Variants in FRMPD4 observed in about 807,000 individuals in gnomAD.
FRMPD4 encodes the protein FERM and PDZ domain-containing protein 4.
In FRMPD4, 22 loss-of-function variants were observed where a neutral mutation model predicts 94.1. The observed-to-expected ratio is 0.23, with a 90% CI of 0.17 to 0.33. FRMPD4 has a LOEUF of 0.33. Among genes scored for constraint, FRMPD4 ranks in the 10% least tolerant of loss-of-function variants. The probability of loss-of-function intolerance (pLI) is 1.00; values close to 1 mark genes in which losing one functional copy is unlikely to be tolerated. For missense variants in FRMPD4, 1,111 were observed against 1,339.9 expected (o/e 0.83, Z 2.67); for synonymous variants, 631 against 548.6 (o/e 1.15, Z -2.10).
intron 1 of FRMPD4, among the ~76,000 whole-genome samples, chrX:12,168,407 C>T (rs946083966): frequency 1.8e-5 from 2 of 108,370 alleles, no homozygotes; most frequent in Non-Finnish European, 3.8e-5. Flanking sequence ...GCAGTGTGAT[C>T]GGAATGCCAT....
At chrX:12,506,638 G>T (rs1257879337) in intron 2 of FRMPD4, among the ~76,000 whole-genome samples, 5 of 112,274 alleles carry the variant, frequency 4.5e-5, no homozygotes, top group African/African-American at 1.6e-4. Flanking sequence ...ATTATTAGCA[G>T]GAATTTTACT....
intron 1 of FRMPD4, among the ~76,000 whole-genome samples, chrX:11,845,005 G>A (rs2053565395): frequency 8.9e-6 from 1 of 111,869 alleles, no homozygotes; most frequent in South Asian, 3.7e-4. Flanking sequence ...TGAAATTTCT[G>A]TTTAATTTCT....
intron 2 of FRMPD4, among the ~76,000 whole-genome samples, chrX:12,574,520 C>T (rs1417840678): frequency 1.8e-5 from 2 of 109,359 alleles, no homozygotes; most frequent in African/African-American, 6.7e-5. Context: ...TTTTTTGAAA[C>T]AAAGTCTCAC....
At chrX:11,981,481 G>A (rs2054396700) in intron 3 of FRMPD4, among the ~76,000 whole-genome samples, 1 of 110,893 alleles carries the variant, frequency 9.0e-6, no homozygotes, top group South Asian at 3.8e-4. Context: ...TACCAAGATT[G>A]CCTGTTTTTT....
chrX:12,120,311 C>G (rs1179392559), intron 3 of FRMPD4, among the ~76,000 whole-genome samples: 1 of 112,077 alleles, frequency 8.9e-6, no homozygotes, highest in Non-Finnish European at 1.9e-5. Flanking sequence ...TTCTTCTCTC[C>G]CAAAAGATTT....
chrX:12,475,045 T>C (rs1263288169), intron 1 of FRMPD4, among the ~76,000 whole-genome samples: 1 of 111,831 alleles, frequency 8.9e-6, no homozygotes, highest in South Asian at 3.7e-4. Context: ...CTGATGAACA[T>C]TGATGCAAAA....
chrX:11,841,119 G>A (rs1393886180), intron 1 of FRMPD4, among the ~76,000 whole-genome samples: 1 of 109,560 alleles, frequency 9.1e-6, no homozygotes, highest in Non-Finnish European at 1.9e-5. Context: ...GTGTATATGT[G>A]CCACATTTTC....
Position 12,374,262 on chromosome X carries a change from ATAT to A in FRMPD4, c.42-124414_42-124412del, listed in dbSNP as rs201289663. 4.8e-3 allele frequency among the ~76,000 whole-genome samples: 544 copies of A among 112,457 alleles called. 3 individuals are homozygous for A. The highest frequency in any genetic ancestry group is 0.017 in the African/African-American group (518 of 30,936). On this transcript the variant is annotated intron_variant, in intron 1 of 16. Transcript: ENST00000675598. ...GGAGTCAGGCTACCCATTCAAAAAGATATTATGTTACAGAATTTTAGACTCTAA... is the reference window on the plus strand; with the variant it reads ...GGAGTCAGGCTACCCATTCAAAAAGATATGTTACAGAATTTTAGACTCTAA...
At chrX:12,004,059 G>C (rs763645464) in intron 3 of FRMPD4, among the ~76,000 whole-genome samples, 1 of 111,500 alleles carries the variant, frequency 9.0e-6, no homozygotes, top group East Asian at 2.8e-4. Context: ...CTGTATCATA[G>C]AATGACATGG....
intron 3 of FRMPD4, among the ~76,000 whole-genome samples, chrX:11,985,647 G>T (rs1349851514): frequency 8.9e-6 from 1 of 112,220 alleles, no homozygotes; most frequent in Non-Finnish European, 1.9e-5. Flanking sequence ...TCCTGCTCTG[G>T]TCTAAAGGAT....
In FRMPD4 at chrX:11,843,772, A is replaced by ACTC. The variant is rs2053555567; in HGVS notation, c.-161+21057_-161+21058insCTC. On this transcript the variant is annotated intron_variant, in intron 1 of 18. Coordinates refer to the FRMPD4 transcript ENST00000640291. The stretch of plus-strand genomic sequence containing the variant: ...TGCTGTGTTCACCAGGCTGATGTTG[A>ACTC]ACTGCTGGACTCAGGTAATTCTTCT... Among the ~76,000 whole-genome samples the ACTC allele has an allele frequency of 2.7e-5, 3 of 109,594 alleles. No homozygotes were observed. The East Asian group carries it at 8.7e-4, about 32-fold the overall frequency.
intron 1 of FRMPD4, among the ~76,000 whole-genome samples, chrX:12,219,183 A>G (rs1385032718): frequency 8.9e-6 from 1 of 111,868 alleles, no homozygotes; most frequent in East Asian, 2.8e-4. Context: ...AGCCTGAGCA[A>G]CACGACGAAA....
chrX:12,462,448 G>T (rs2057400727), intron 1 of FRMPD4, among the ~76,000 whole-genome samples: 1 of 111,423 alleles, frequency 9.0e-6, no homozygotes, highest in Non-Finnish European at 1.9e-5. Flanking sequence ...GGGAATTTAT[G>T]GACTCTGCCC....
At chrX:11,959,684 G>A (rs1005170304) in intron 3 of FRMPD4, among the ~76,000 whole-genome samples, 1 of 110,586 alleles carries the variant, frequency 9.0e-6, no homozygotes, top group African/African-American at 3.3e-5. Context: ...TGAAAGGGCT[G>A]GTTTCTGTTT....
intron 1 of FRMPD4, among the ~76,000 whole-genome samples, chrX:12,309,871 C>T (rs1039711033): frequency 8.9e-6 from 1 of 112,371 alleles, no homozygotes; most frequent in Admixed American, 9.4e-5. Flanking sequence ...ACAGTCTTCC[C>T]GATCCCCTTG....
At chrX:12,642,692 A>G (rs1024523385) in intron 4 of FRMPD4, among the ~76,000 whole-genome samples, 2 of 112,909 alleles carry the variant, frequency 1.8e-5, no homozygotes, top group Non-Finnish European at 1.9e-5. Context: ...ACTTGAGCCC[A>G]GGAATTTGAG....
chrX:12,481,684 G>A (rs1339854174), intron 1 of FRMPD4, among the ~76,000 whole-genome samples: 1 of 109,543 alleles, frequency 9.1e-6, no homozygotes, highest in Non-Finnish European at 1.9e-5. Flanking sequence ...GCTAATGCCT[G>A]TAATCCCAGC....
In FRMPD4 at chrX:12,153,059, G is replaced by A. The variant is rs376603990; in HGVS notation, c.41+14047G>A. ...CGCCATTCTCCTGCCTCAGCCTCCC[G>A]AGTAGATGGGACTACAGGCACCCGC... is the stretch of plus-strand genomic sequence containing the variant. On this transcript the variant is annotated intron_variant, in intron 1 of 16. Coordinates refer to ENST00000675598, the MANE Select transcript of FRMPD4 (RefSeq NM_001368397.1). 6.3e-4 allele frequency among the ~76,000 whole-genome samples: 68 copies of A among 107,245 alleles called. 1 individual carries two copies. The highest frequency in any genetic ancestry group is 2.2e-3 in the African/African-American group (66 of 29,469). The allele number at this position is 107,245 out of a possible 115,157, so 93.1% of individuals were successfully genotyped here.
chrX:12,117,805 A>G (rs767721590), intron 3 of FRMPD4, among the ~76,000 whole-genome samples: 2 of 111,845 alleles, frequency 1.8e-5, no homozygotes, highest in Non-Finnish European at 3.8e-5. Flanking sequence ...TCTCTTTTAC[A>G]TTTATTTGCC....
Sources: allele counts gnomAD v4.1 joint callset (sites outside exome capture counted in the v4.1 genomes callset), GRCh38; gene constraint gnomAD v4.1.1; transcripts MANE v1.5; gene names NCBI Gene and HGNC (gene_info 2026-07-23, HGNC 2026-07-21).